The following DENND1A variants were observed in gnomAD, a reference collection of about 807,000 sequenced individuals.
The protein encoded by DENND1A is DENN domain-containing protein 1A.
In DENND1A, 51 loss-of-function variants were observed where a neutral mutation model predicts 113.7. That is an observed-to-expected ratio of 0.45 (90% CI 0.36 to 0.57). The LOEUF (loss-of-function observed/expected upper bound fraction) is 0.57. DENND1A is among the 20% of genes least tolerant of loss of function. The probability of loss-of-function intolerance (pLI) is 0.00; values close to 1 mark genes in which losing one functional copy is unlikely to be tolerated. For synonymous variants in DENND1A, 565 were observed against 570.8 expected (o/e 0.99, Z 0.14); for missense variants, 1,258 against 1,395.9 (o/e 0.90, Z 1.57).
chr9:123,467,509 G>C (rs2049052238), intron 13 of DENND1A, among the ~76,000 whole-genome samples: 1 of 152,100 alleles, frequency 6.6e-6, no homozygotes, highest in African/African-American at 2.4e-5. Flanking sequence ...CAAAAAATTA[G>C]CCAGGCATAT....
At chr9:123,433,024 T>C (rs1461526521) in intron 19 of DENND1A, among the ~76,000 whole-genome samples, 2 of 152,170 alleles carry the variant, frequency 1.3e-5, no homozygotes, top group Admixed American at 6.5e-5. Context: ...GAAGACAGGG[T>C]TGGGTAGGAG....
intron 9 of DENND1A, among the ~76,000 whole-genome samples, chr9:123,637,112 C>A (rs1274602741): frequency 6.6e-6 from 1 of 152,226 alleles, no homozygotes; most frequent in African/African-American, 2.4e-5. Context: ...TGGTCACAGT[C>A]ATTCTTTCCA....
rs568358623 is a variant in DENND1A at position 123,825,315 on chromosome 9, TA to T, written c.89-32686del. Among the ~76,000 whole-genome samples, 403 of 141,458 alleles carry T rather than the reference TA, an allele frequency of 2.8e-3. 1 individual carries two copies. The highest frequency in any genetic ancestry group is 3.6e-3 in the Middle Eastern group (1 of 276). The allele number at this position is 141,458 out of a possible 152,430, so 92.8% of individuals were successfully genotyped here. ...AACACTGATGACACAGCTCTTCTTT[TA>T]AAAAAAAAAAAAGAAAGAAAAGAAA... On this transcript the variant is annotated intron_variant, in intron 2 of 23. Transcript: ENST00000394215.
rs186897470 is a variant in DENND1A, at chr9:123,897,727, G to C, written c.18-18706C>G. Among the ~76,000 whole-genome samples, 52 of 152,232 alleles carry C rather than the reference G, an allele frequency of 3.4e-4. 1 individual carries two copies. Among genetic ancestry groups the C allele is most frequent in the Non-Finnish European group, 5.7e-4 (39 of 68,020 alleles). On this transcript the variant is annotated intron_variant, in intron 1 of 23. Coordinates refer to ENST00000394215, the MANE Select transcript of DENND1A (RefSeq NM_001352964.2). ...CTCACACCTGTAAACTCAACACTTT[G>C]AGAGGCCAAGAGAGAGGATCGCTTG...
chr9:123,652,141 G>T lies in DENND1A; in HGVS notation c.508-18C>A. 1.2e-6 allele frequency: 2 copies of T among 1,603,440 alleles called. No individual in the cohort carries two copies. The highest frequency in any genetic ancestry group is 1.7e-6 in the Non-Finnish European group (2 of 1,170,498). ...AGATTTCTCTAGGAGAAAGAAGAAG[G>T]CACGGTTTGTGGCTGATTTTCTTTG... On this transcript the variant is annotated intron_variant, in intron 8 of 23. Transcript: ENST00000394215.
chr9:123,580,761 A>G (rs550139705), intron 12 of DENND1A, among the ~76,000 whole-genome samples: 2 of 152,350 alleles, frequency 1.3e-5, no homozygotes, highest in South Asian at 4.1e-4. Context: ...CTAAGGTACC[A>G]ACCATGTACT....
intron 5 of DENND1A, among the ~76,000 whole-genome samples, chr9:123,719,310 G>C (rs972714830): frequency 6.6e-6 from 1 of 152,138 alleles, no homozygotes; most frequent in Non-Finnish European, 1.5e-5. Flanking sequence ...CACAAACACT[G>C]CTAATGTGCA....
intron 5 of DENND1A, among the ~76,000 whole-genome samples, chr9:123,744,476 T>C (rs746247250): frequency 3.3e-5 from 5 of 152,222 alleles, no homozygotes; most frequent in Admixed American, 6.5e-5. Flanking sequence ...GAGTTTTTCA[T>C]AAAACAGATT....
At chr9:123,392,955 T>A (rs529101286) in intron 21 of DENND1A, among the ~76,000 whole-genome samples, 1 of 152,238 alleles carries the variant, frequency 6.6e-6, no homozygotes, top group African/African-American at 2.4e-5. Flanking sequence ...AGAATAAGAG[T>A]CTCCAATCCC....
chr9:123,707,189 G>A (rs1328186366), intron 5 of DENND1A, among the ~76,000 whole-genome samples: 1 of 152,198 alleles, frequency 6.6e-6, no homozygotes, highest in Non-Finnish European at 1.5e-5. Context: ...GATATCAGGA[G>A]TTTGAGACCA....
chr9:123,763,251 A>C (rs905012432), intron 4 of DENND1A, among the ~76,000 whole-genome samples: 5 of 152,192 alleles, frequency 3.3e-5, no homozygotes, highest in African/African-American at 1.2e-4. Flanking sequence ...AAGTGATTGC[A>C]GTAGTCCAGG....
chr9:123,569,369 G>A (rs2058232828), intron 12 of DENND1A, among the ~76,000 whole-genome samples: 1 of 152,204 alleles, frequency 6.6e-6, no homozygotes, highest in African/African-American at 2.4e-5. Context: ...TTACTGGTAT[G>A]AAAGTAAAGT....
chr9:123,857,931 C>T (rs1383741058), intron 2 of DENND1A, among the ~76,000 whole-genome samples: 3 of 151,884 alleles, frequency 2.0e-5, no homozygotes. Context: ...TGGTGGCGGA[C>T]GCCTGTAGTC....
At chr9:123,760,889 G>A (rs1443331537) in intron 4 of DENND1A, among the ~76,000 whole-genome samples, 2 of 152,144 alleles carry the variant, frequency 1.3e-5, no homozygotes, top group African/African-American at 4.8e-5. Flanking sequence ...AAATAAGGTT[G>A]TGCTTTTAAG....
intron 13 of DENND1A, among the ~76,000 whole-genome samples, chr9:123,526,234 C>G (rs1190639835): frequency 6.6e-6 from 1 of 152,156 alleles, no homozygotes; most frequent in Non-Finnish European, 1.5e-5. Context: ...GAAATTCCCT[C>G]TGACTCCTCA....
chr9:123,560,165 T>C (rs2057660706), intron 12 of DENND1A, among the ~76,000 whole-genome samples: 1 of 152,218 alleles, frequency 6.6e-6, no homozygotes, highest in Admixed American at 6.5e-5. Context: ...ATGTGCAAGC[T>C]TTTGTGTGGA....
At chr9:123,692,931 GA>G (rs1752942294) in intron 5 of DENND1A, among the ~76,000 whole-genome samples, 2 of 152,156 alleles carry the variant, frequency 1.3e-5, no homozygotes, top group Admixed American at 1.3e-4. Context: ...ATAATGTAGA[GA>G]TGAAGAAACT....
At chr9:123,882,481 T>G (rs1400036698) in intron 1 of DENND1A, among the ~76,000 whole-genome samples, 1 of 152,034 alleles carries the variant, frequency 6.6e-6, no homozygotes, top group Non-Finnish European at 1.5e-5. Context: ...TATGCCACAG[T>G]CAACCAATCA....
At chr9:123,690,720 C>T (rs946940053) in intron 5 of DENND1A, among the ~76,000 whole-genome samples, 10 of 152,198 alleles carry the variant, frequency 6.6e-5, no homozygotes, top group Non-Finnish European at 7.3e-5. Context: ...TATGATTCCC[C>T]GCTGGCTACC....
Sources: gnomAD v4.1 joint callset for allele counts (sites outside exome capture counted in the v4.1 genomes callset) on GRCh38, gnomAD v4.1.1 for gene constraint, MANE v1.5 for transcripts, NCBI Gene and HGNC (gene_info 2026-07-23, HGNC 2026-07-21) for gene names.